ABI2: variants seen among roughly 807,000 people sequenced by gnomAD.
The protein encoded by ABI2 is abelson interactor 2.
ABI2 carries 25 observed loss-of-function variants against 59.2 expected under a neutral mutation model. The ratio of observed to expected loss-of-function variants is 0.42; its 90% CI spans 0.31 to 0.59. The LOEUF is 0.59. Ranked by LOEUF, ABI2 falls within the 20% of genes least tolerant of loss-of-function variation. The pLI is 0.14. For synonymous variants in ABI2, 213 were observed against 235.5 expected (o/e 0.90, Z 0.87); for missense variants, 545 against 681.8 (o/e 0.80, Z 2.23).
chr2:203,419,754 T>G (rs2098114938), intron 11 of ABI2, among the ~76,000 whole-genome samples: 2 of 151,970 alleles, frequency 1.3e-5, no homozygotes, highest in Admixed American at 1.3e-4. Flanking sequence ...TTTGGGAGGC[T>G]GAGGCGGGCC....
rs528235675 is a variant in ABI2, at chr2:203,373,147, C to T, written c.285+6103C>T. Reference sequence around the variant, plus strand: ...TGGAGGTTGTAGCGAGCCGAGATCACGCCACTGCACTCCAGCCTGGGCACC... The same window carrying T: ...TGGAGGTTGTAGCGAGCCGAGATCATGCCACTGCACTCCAGCCTGGGCACC... On this transcript the variant is annotated intron_variant, in intron 2 of 11. Transcript: ENST00000261018. Among the ~76,000 whole-genome samples, 107 of 152,182 alleles carry T rather than the reference C, an allele frequency of 7.0e-4. 1 individual carries two copies. Among genetic ancestry groups the T allele is most frequent in the Middle Eastern group, 3.4e-3 (1 of 294 alleles).
intron 2 of ABI2, among the ~76,000 whole-genome samples, chr2:203,368,429 A>G (rs1233221502): frequency 6.6e-6 from 1 of 152,080 alleles, no homozygotes; most frequent in Admixed American, 6.6e-5. Flanking sequence ...AAATGTGCAT[A>G]TTATTATTAT....
chr2:203,366,081 A>G lies in ABI2; in HGVS notation c.118-796A>G, dbSNP rs191127287. Among the ~76,000 whole-genome samples the G allele has an allele frequency of 2.1e-3, 326 of 152,062 alleles. 3 individuals carry two copies. Among genetic ancestry groups the G allele is most frequent in the East Asian group, 1.4e-3 (7 of 5,170 alleles). ...TCATAGTATTTCTTAGACATCATTAATGGATAGAAATCTTAATTTTAAAAT... is the reference window on the plus strand; with the variant it reads ...TCATAGTATTTCTTAGACATCATTAGTGGATAGAAATCTTAATTTTAAAAT... On this transcript the variant is annotated intron_variant, in intron 1 of 11. Transcript: ENST00000261018.
At chr2:203,423,381 G>T (rs2098296651) in intron 11 of ABI2, among the ~76,000 whole-genome samples, 1 of 152,120 alleles carries the variant, frequency 6.6e-6, no homozygotes, top group Non-Finnish European at 1.5e-5. Flanking sequence ...TGTTTAGATT[G>T]CTCCTCTTTG....
chr2:203,397,024 T>C, intron 8 of ABI2, 57 bp downstream of exon 8: 1 of 1,305,004 alleles, frequency 7.7e-7, no homozygotes, highest in Admixed American at 3.9e-5. Flanking sequence ...ATTCTCTTAC[T>C]TGCACCTCTG....
At chr2:203,378,610 A>G (rs1334003625) in intron 2 of ABI2, among the ~76,000 whole-genome samples, 1 of 152,210 alleles carries the variant, frequency 6.6e-6, no homozygotes, top group African/African-American at 2.4e-5. Context: ...AGAAGGATAA[A>G]TGATCAGTGT....
intron 8 of ABI2, among the ~76,000 whole-genome samples, chr2:203,399,844 C>T (rs2153431340): frequency 6.6e-6 from 1 of 152,168 alleles, no homozygotes; most frequent in East Asian, 1.9e-4. Flanking sequence ...TGTTGTATTT[C>T]AAATAGCAGA....
chr2:203,402,053 G>A (rs2097246301), intron 8 of ABI2, among the ~76,000 whole-genome samples: 1 of 151,956 alleles, frequency 6.6e-6, no homozygotes, highest in African/African-American at 2.4e-5. Flanking sequence ...TATTTATTTT[G>A]AGACAGAGTC....
At chr2:203,381,425 A>G (rs2096119281) in intron 3 of ABI2, among the ~76,000 whole-genome samples, 1 of 152,132 alleles carries the variant, frequency 6.6e-6, no homozygotes, top group African/African-American at 2.4e-5. Context: ...ACGTGCCACC[A>G]TGCTGAGCTA....
chr2:203,377,258 A>G (rs914379263), intron 2 of ABI2, among the ~76,000 whole-genome samples: 1 of 152,190 alleles, frequency 6.6e-6, no homozygotes, highest in African/African-American at 2.4e-5. Context: ...AGACTACAGT[A>G]TGCTATGATT....
rs2153619634 is a variant in ABI2 at position 203,427,962 on chromosome 2, T to G, written c.*610T>G. On this transcript the variant is annotated 3_prime_UTR_variant, in exon 12 of 12. Coordinates refer to ENST00000261018, the MANE Select transcript of ABI2 (RefSeq NM_001375670.1). ...TGAATGCTGAACTCACTTGCATCCCTTCATGTTTCTGTTTGTGGATTATAA... is the reference window on the plus strand; with the variant it reads ...TGAATGCTGAACTCACTTGCATCCCGTCATGTTTCTGTTTGTGGATTATAA... The G allele has an allele frequency of 6.6e-6, 1 of 152,370 alleles. No individual in the cohort carries two copies. Among genetic ancestry groups the G allele is most frequent in the South Asian group, 2.1e-4 (1 of 4,830 alleles). 9.4% of individuals were successfully genotyped at this position (152,370 alleles called of 1,614,324 possible).
chr2:203,343,430 A>G (rs1461320565), intron 1 of ABI2, among the ~76,000 whole-genome samples: 1 of 152,214 alleles, frequency 6.6e-6, no homozygotes, highest in Non-Finnish European at 1.5e-5. Flanking sequence ...GCATGTAATG[A>G]CAAGGCATTA....
intron 1 of ABI2, chr2:203,351,560 G>A (rs750994582): frequency 4.1e-4 from 175 of 431,346 alleles, no homozygotes; most frequent in Non-Finnish European, 6.9e-4. Flanking sequence ...TTTAGAGATG[G>A]GGTCTTGGTA....
rs377208274 is a variant in ABI2, at chr2:203,416,900, G to C, written c.1280-8G>C. The C allele has an allele frequency of 9.3e-6, 15 of 1,606,394 alleles. No individual in the cohort carries two copies. In the Admixed American group the frequency reaches 2.4e-4, roughly 25 times the overall value. On this transcript the variant is annotated splice_region_variant and splice_polypyrimidine_tract_variant and intron_variant, in intron 10 of 11. Transcript: ENST00000261018. ...TATAGTTTTGTTGTCAGCCTGATAC[G>C]TTCTTAGTTTCAGATACACCACCTC...
intron 2 of ABI2, among the ~76,000 whole-genome samples, chr2:203,373,022 G>A (rs2095399415): frequency 6.6e-6 from 1 of 152,180 alleles, no homozygotes. Context: ...CAGACGATGG[G>A]CAGCCACGCA....
At chr2:203,360,993 G>A (rs1225635584) in intron 1 of ABI2, among the ~76,000 whole-genome samples, 1 of 152,220 alleles carries the variant, frequency 6.6e-6, no homozygotes, top group Non-Finnish European at 1.5e-5. Flanking sequence ...TTACTGAGGA[G>A]AAGCGTGGCC....
chr2:203,402,323 C>G (rs1318087748), intron 8 of ABI2, among the ~76,000 whole-genome samples: 1 of 152,222 alleles, frequency 6.6e-6, no homozygotes. Flanking sequence ...GCATGAGTCA[C>G]TGCACCCGGC....
chr2:203,361,772 C>T (rs1294977234), intron 1 of ABI2, among the ~76,000 whole-genome samples: 1 of 152,160 alleles, frequency 6.6e-6, no homozygotes, highest in Non-Finnish European at 1.5e-5. Context: ...AGACATTCTC[C>T]ATCCTTTTGC....
intron 11 of ABI2, among the ~76,000 whole-genome samples, chr2:203,421,785 G>A (rs2098218492): frequency 6.6e-6 from 1 of 151,998 alleles, no homozygotes; most frequent in Non-Finnish European, 1.5e-5. Flanking sequence ...CCAACATGGT[G>A]AAACCCCACC....
Sources: gnomAD v4.1 joint callset for allele counts (sites outside exome capture counted in the v4.1 genomes callset) on GRCh38, gnomAD v4.1.1 for gene constraint, MANE v1.5 for transcripts, NCBI Gene and HGNC (gene_info 2026-07-23, HGNC 2026-07-21) for gene names.